PPM1L: variants seen among roughly 807,000 people sequenced by gnomAD.
PPM1L encodes protein phosphatase, Mg2+/Mn2+ dependent 1L, also known as protein phosphatase 1L.
A neutral mutation model predicts 31.4 loss-of-function variants in PPM1L; 13 were observed. The ratio of observed to expected loss-of-function variants is 0.41; its 90% confidence interval spans 0.27 to 0.66. The LOEUF (loss-of-function observed/expected upper bound fraction) is 0.66, where lower values mean the gene tolerates loss of function less well. PPM1L is among the 30% of genes least tolerant of loss of function. PPM1L has a pLI of 0.29. For synonymous variants in PPM1L, 184 were observed against 175.4 expected (o/e 1.05, Z -0.39); for missense variants, 326 against 453.7 (o/e 0.72, Z 2.56).
At chr3:161,068,319 GACTAT>G (rs1479875264) in intron 3 of PPM1L, among the ~76,000 whole-genome samples, 1 of 152,214 alleles carries the variant, frequency 6.6e-6, no homozygotes, top group Admixed American at 6.5e-5. Context: ...AGCCTTTAAT[GACTAT>G]ACTAGTGTGT....
chr3:160,991,175 C>T (rs1031238009), intron 2 of PPM1L, among the ~76,000 whole-genome samples: 4 of 151,900 alleles, frequency 2.6e-5, no homozygotes, highest in African/African-American at 9.7e-5. Context: ...TCGTCCTGGG[C>T]TGGTGGGCCA....
intron 2 of PPM1L, among the ~76,000 whole-genome samples, chr3:160,989,355 T>C (rs981566679): frequency 1.3e-5 from 2 of 151,966 alleles, no homozygotes; most frequent in Non-Finnish European, 2.9e-5. Context: ...CAACCAGCAC[T>C]TTTTTAAAAA....
At chr3:160,977,085 G>C (rs924232171) in intron 2 of PPM1L, among the ~76,000 whole-genome samples, 1 of 152,038 alleles carries the variant, frequency 6.6e-6, no homozygotes, top group Non-Finnish European at 1.5e-5. Context: ...CTTTGTTCTC[G>C]TTGGTTTCAA....
chr3:160,792,051 G>C (rs985463190), intron 1 of PPM1L, among the ~76,000 whole-genome samples: 9 of 152,170 alleles, frequency 5.9e-5, no homozygotes, highest in Admixed American at 2.6e-4. Context: ...AACTACTGTG[G>C]TAATAGTCTA....
At chr3:161,044,228 T>C (rs1399350267) in intron 2 of PPM1L, among the ~76,000 whole-genome samples, 1 of 151,910 alleles carries the variant, frequency 6.6e-6, no homozygotes, top group African/African-American at 2.4e-5. Context: ...TTAGTAGAGA[T>C]GGGGTTTCAC....
chr3:160,829,162 AC>A (rs1441859621), intron 1 of PPM1L, among the ~76,000 whole-genome samples: 2 of 147,840 alleles, frequency 1.4e-5, no homozygotes, highest in Admixed American at 6.8e-5. Flanking sequence ...TGTTTCCCCT[AC>A]CCCCTCCTTG....
intron 2 of PPM1L, among the ~76,000 whole-genome samples, chr3:161,017,221 T>C (rs1018520736): frequency 1.3e-5 from 2 of 152,100 alleles, no homozygotes; most frequent in Non-Finnish European, 2.9e-5. Context: ...GATCTCAAAC[T>C]AAAGAACATT....
chr3:160,945,338 A>G (rs911684138), intron 1 of PPM1L, among the ~76,000 whole-genome samples: 4 of 151,954 alleles, frequency 2.6e-5, no homozygotes, highest in Non-Finnish European at 5.9e-5. Flanking sequence ...GGGCACAGCT[A>G]TGTTCCAGCA....
intron 2 of PPM1L, among the ~76,000 whole-genome samples, chr3:161,006,742 GCGC>G (rs1178863246): frequency 1.3e-5 from 2 of 148,778 alleles, no homozygotes; most frequent in African/African-American, 5.0e-5. Flanking sequence ...GAGTGCAGTG[GCGC>G]CATCTTGGCT....
intron 1 of PPM1L, among the ~76,000 whole-genome samples, chr3:160,793,512 G>A (rs1285651496): frequency 6.6e-6 from 1 of 152,146 alleles, no homozygotes; most frequent in Admixed American, 6.5e-5. Flanking sequence ...TTACCCCTAT[G>A]TCAGGCCTTC....
intron 2 of PPM1L, among the ~76,000 whole-genome samples, chr3:160,964,710 C>T (rs2108110682): frequency 6.6e-6 from 1 of 151,974 alleles, no homozygotes; most frequent in African/African-American, 2.4e-5. Flanking sequence ...GATAAAACAC[C>T]CGCTCTGAGC....
At chr3:160,835,199 G>A (rs1306475579) in intron 1 of PPM1L, among the ~76,000 whole-genome samples, 3 of 124,644 alleles carry the variant, frequency 2.4e-5, no homozygotes, top group African/African-American at 9.5e-5. Flanking sequence ...TTTGGGAGGA[G>A]TACCAAATCC....
chr3:161,063,782 A>G (rs990835877), intron 2 of PPM1L, among the ~76,000 whole-genome samples: 1 of 152,232 alleles, frequency 6.6e-6, no homozygotes, highest in African/African-American at 2.4e-5. Context: ...ATGTCCATCA[A>G]TGATAGACTG....
At chr3:160,774,604 G>A (rs1038173533) in intron 1 of PPM1L, among the ~76,000 whole-genome samples, 23 of 152,102 alleles carry the variant, frequency 1.5e-4, no homozygotes, top group Non-Finnish European at 2.4e-4. Flanking sequence ...ACCTTCTGTT[G>A]TTTGCCTATG....
chr3:160,778,768 G>T (rs527658424), intron 1 of PPM1L, among the ~76,000 whole-genome samples: 1 of 152,214 alleles, frequency 6.6e-6, no homozygotes, highest in East Asian at 1.9e-4. Flanking sequence ...ATGCTACTAA[G>T]TATCCTACAG....
chr3:161,062,375 C>T (rs1445518361), intron 2 of PPM1L, among the ~76,000 whole-genome samples: 3 of 152,106 alleles, frequency 2.0e-5, no homozygotes, highest in Non-Finnish European at 2.9e-5. Flanking sequence ...GGCCAGCAGG[C>T]GGATCACTTG....
intron 1 of PPM1L, among the ~76,000 whole-genome samples, chr3:160,942,546 A>G (rs1715195870): frequency 6.6e-6 from 1 of 152,124 alleles, no homozygotes; most frequent in Non-Finnish European, 1.5e-5. Context: ...GAATTTTTAA[A>G]TTTTTCCATG....
intron 1 of PPM1L, among the ~76,000 whole-genome samples, chr3:160,808,678 A>G (rs58891820): frequency 0.096 from 14,672 of 152,090 alleles, 1,061 homozygotes; most frequent in African/African-American, 0.21. Context: ...ACCTGAGGAC[A>G]CTCAGCATGT....
chr3:160,889,010 GA>G (rs1713034088), intron 1 of PPM1L, among the ~76,000 whole-genome samples: 2 of 152,320 alleles, frequency 1.3e-5, no homozygotes, highest in Admixed American at 1.3e-4. Context: ...GCAGTGTTAA[GA>G]GGGAAATTTA....
Sources: allele counts gnomAD v4.1 joint callset (sites outside exome capture counted in the v4.1 genomes callset), GRCh38; gene constraint gnomAD v4.1.1; transcripts MANE v1.5; gene names NCBI Gene and HGNC (gene_info 2026-07-23, HGNC 2026-07-21).